ALK: variants seen among roughly 807,000 people sequenced by gnomAD.
The protein encoded by ALK is ALK receptor tyrosine kinase, also known as ALK tyrosine kinase receptor.
In ALK, 74 loss-of-function variants were observed where a neutral mutation model predicts 163.1. The observed-to-expected ratio is 0.45, with a 90% CI of 0.38 to 0.55. The LOEUF is 0.55. ALK is among the 20% of genes least tolerant of loss of function. The pLI is 0.00. For missense variants in ALK, 2,063 were observed against 2,105.3 expected (o/e 0.98, Z 0.39); for synonymous variants, 960 against 843.2 (o/e 1.14, Z -2.40).
chr2:29,598,577 C>T (rs919303382), intron 3 of ALK, among the ~76,000 whole-genome samples: 2 of 152,114 alleles, frequency 1.3e-5, no homozygotes, highest in Non-Finnish European at 2.9e-5. Flanking sequence ...GAGCAAAGGG[C>T]ATCAGGCTCT....
chr2:29,702,903 A>C (rs1678788186), intron 2 of ALK, among the ~76,000 whole-genome samples: 1 of 152,228 alleles, frequency 6.6e-6, no homozygotes, highest in African/African-American at 2.4e-5. Flanking sequence ...TGGGAGCTAC[A>C]ATTCAAGATG....
chr2:29,248,456 CTG>C (rs1664740936), intron 12 of ALK, among the ~76,000 whole-genome samples: 3 of 152,342 alleles, frequency 2.0e-5, no homozygotes, highest in African/African-American at 7.2e-5. Context: ...GAGCGCGACT[CTG>C]TCTCAAAAAC....
At chr2:29,700,083 C>T (rs1436840950) in intron 2 of ALK, among the ~76,000 whole-genome samples, 1 of 152,156 alleles carries the variant, frequency 6.6e-6, no homozygotes. Context: ...ATAGGCTTAC[C>T]CTGGGCCGAC....
At chr2:29,826,462 A>G (rs1481358424) in intron 1 of ALK, among the ~76,000 whole-genome samples, 1 of 152,096 alleles carries the variant, frequency 6.6e-6, no homozygotes, top group Admixed American at 6.5e-5. Flanking sequence ...AAAAAAAAAA[A>G]AAGACAATCT....
chr2:29,663,309 T>C (rs531840081), intron 3 of ALK, among the ~76,000 whole-genome samples: 2 of 152,298 alleles, frequency 1.3e-5, no homozygotes, highest in African/African-American at 4.8e-5. Flanking sequence ...AAAATTCTTT[T>C]ATGGAGACAC....
Position 29,920,730 on chromosome 2 carries a change from G to A in ALK, c.-71C>T. On this transcript the variant is annotated 5_prime_UTR_variant, in exon 1 of 29. Transcript: ENST00000389048. ...CCCTTCGCTCTCCCCGAGATGGGAA[G>A]AGGCTCTGAACAGTCCTTGGTACCC... The A allele has an allele frequency of 2.2e-6, 3 of 1,385,828 alleles. No homozygotes were observed. The South Asian group carries it at 3.7e-5, about 17-fold the overall frequency. 85.8% of individuals were successfully genotyped at this position (1,385,828 alleles called of 1,614,324 possible).
chr2:29,746,364 C>G lies in ALK; in HGVS notation c.668-28667G>C, dbSNP rs183205976. 2.6e-5 allele frequency among the ~76,000 whole-genome samples: 4 copies of G among 152,296 alleles called. No homozygotes were observed. In the East Asian group the frequency reaches 7.7e-4, roughly 29 times the overall value. ...ACTCTCTGACAACACATTACTAACA[C>G]AAAGGACTGTTTGGACTAGGTCCAT... On this transcript the variant is annotated intron_variant, in intron 1 of 28. Coordinates refer to ENST00000389048, the MANE Select transcript of ALK (RefSeq NM_004304.5).
chr2:29,196,962 A>T (rs1669038788), intron 27 of ALK, 102 bp from the exon 28 acceptor site: 1 of 938,626 alleles, frequency 1.1e-6, no homozygotes, highest in East Asian at 2.5e-5. Context: ...GAGGGTGCGA[A>T]CTCGTCTAGG....
intron 8 of ALK, among the ~76,000 whole-genome samples, chr2:29,302,771 T>A (rs975270019): frequency 1.3e-5 from 2 of 152,146 alleles, no homozygotes; most frequent in Admixed American, 1.3e-4. Flanking sequence ...AGGGAGTATA[T>A]CCAGGCAGAT....
chr2:29,351,704 G>A (rs1668119376), intron 5 of ALK, among the ~76,000 whole-genome samples: 2 of 152,204 alleles, frequency 1.3e-5, no homozygotes, highest in South Asian at 2.1e-4. Flanking sequence ...AAGTCTTGAG[G>A]TAAGGCTGGA....
chr2:29,657,968 G>A (rs1272894309), intron 3 of ALK, among the ~76,000 whole-genome samples: 1 of 152,122 alleles, frequency 6.6e-6, no homozygotes, highest in South Asian at 2.1e-4. Flanking sequence ...CTGAGCATCT[G>A]TCTCACTCAA....
chr2:29,692,241 C>T (rs1678420106), intron 3 of ALK, among the ~76,000 whole-genome samples: 1 of 152,126 alleles, frequency 6.6e-6, no homozygotes, highest in South Asian at 2.1e-4. Flanking sequence ...GATGTAAAGC[C>T]ATGGGGAGGA....
At chr2:29,198,910 C>T (rs937769222) in intron 26 of ALK, among the ~76,000 whole-genome samples, 2 of 151,488 alleles carry the variant, frequency 1.3e-5, no homozygotes, top group African/African-American at 4.8e-5. Flanking sequence ...CTTTATATGT[C>T]AGAGATGTTA....
intron 24 of ALK, among the ~76,000 whole-genome samples, chr2:29,212,829 C>T (rs1669499884): frequency 6.6e-6 from 1 of 152,144 alleles, no homozygotes; most frequent in Non-Finnish European, 1.5e-5. Flanking sequence ...GCCTCACCTC[C>T]CGAGTAGCTG....
At chr2:29,880,440 G>C (rs537279420) in intron 1 of ALK, among the ~76,000 whole-genome samples, 1 of 152,226 alleles carries the variant, frequency 6.6e-6, no homozygotes, top group Admixed American at 6.5e-5. Flanking sequence ...TAAATGTTGG[G>C]GGGTCACAGA....
rs200861556 is a variant in ALK, at chr2:29,646,551, C to T, written c.952+48299G>A. Among the ~76,000 whole-genome samples, 5 of 152,136 alleles carry T rather than the reference C, an allele frequency of 3.3e-5. No individual in the cohort carries two copies. The East Asian group carries it at 9.6e-4, about 29-fold the overall frequency. The stretch of plus-strand genomic sequence containing the variant: ...TATGATGTTTCCAAGACGCTTACAG[C>T]CTGCCCTGAAGCCTCTTTGACCTCA... On this transcript the variant is annotated intron_variant, in intron 3 of 28. Coordinates refer to ENST00000389048, the MANE Select transcript of ALK (RefSeq NM_004304.5).
intron 12 of ALK, among the ~76,000 whole-genome samples, chr2:29,247,783 C>CCAGT (rs1236343180): frequency 6.6e-6 from 1 of 152,132 alleles, no homozygotes; most frequent in Non-Finnish European, 1.5e-5. Context: ...TGGAGCCGTC[C>CCAGT]CAGTGCCAGG....
intron 7 of ALK, among the ~76,000 whole-genome samples, chr2:29,319,768 A>G (rs1447504981): frequency 1.3e-5 from 2 of 152,264 alleles, no homozygotes; most frequent in Non-Finnish European, 1.5e-5. Context: ...TGAAGGGCAC[A>G]TCCAGCTTGG....
chr2:29,272,610 A>G (rs1665421187), intron 11 of ALK, among the ~76,000 whole-genome samples: 1 of 152,194 alleles, frequency 6.6e-6, no homozygotes, highest in South Asian at 2.1e-4. Flanking sequence ...AGTTCTCTAA[A>G]GCCTGCCCGG....
Sources: gnomAD v4.1 joint callset for allele counts (sites outside exome capture counted in the v4.1 genomes callset) on GRCh38, gnomAD v4.1.1 for gene constraint, MANE v1.5 for transcripts, NCBI Gene and HGNC (gene_info 2026-07-23, HGNC 2026-07-21) for gene names.